SHBG: variants seen among roughly 807,000 people sequenced by gnomAD.
SHBG encodes sex hormone binding globulin.
SHBG carries 37 observed loss-of-function variants against 41.9 expected under a neutral mutation model. The observed-to-expected ratio is 0.88, with a 90% CI of 0.68 to 1.16. The LOEUF (loss-of-function observed/expected upper bound fraction) is 1.16. Among genes scored for constraint, SHBG ranks in the 50% most tolerant of loss-of-function variants. The pLI is 0.00. For missense variants in SHBG, 466 were observed against 499.9 expected (o/e 0.93, Z 0.65); for synonymous variants, 217 against 205.8 (o/e 1.05, Z -0.47).
chr17:7,630,989 C>A lies in SHBG; in HGVS notation c.393+120C>A. On this transcript the variant is annotated intron_variant, in intron 3 of 7. Coordinates refer to ENST00000380450, the MANE Select transcript of SHBG (RefSeq NM_001040.5). This position sits in a 1 kb window ranked among gnomAD's most constrained non-coding sequence, Gnocchi z 4.6. ...ATCTCGTTTAATCCACACGAACCCC[C>A]ACAAAGTAGCTATTCTTGGCCCCAT... is the stretch of plus-strand genomic sequence containing the variant. 9.9e-7 allele frequency: 1 copy of A among 1,014,926 alleles called. No homozygotes were observed. Among genetic ancestry groups the A allele is most frequent in the African/African-American group, 1.6e-5 (1 of 63,270 alleles). 62.9% of individuals were successfully genotyped at this position (1,014,926 alleles called of 1,614,324 possible).
At chr17:7,621,218 C>G (rs1184539968) in intron 1 of SHBG, among the ~76,000 whole-genome samples, 2 of 140,804 alleles carry the variant, frequency 1.4e-5, no homozygotes, top group Non-Finnish European at 3.1e-5. Context: ...AATGTATTAT[C>G]ATTTATGTGG....
intron 1 of SHBG, among the ~76,000 whole-genome samples, chr17:7,622,964 G>A (rs1186934826): frequency 6.6e-6 from 1 of 151,454 alleles, no homozygotes; most frequent in Admixed American, 6.6e-5. Context: ...ACGAACCTGA[G>A]AGGCAGAGCT....
intron 1 of SHBG, among the ~76,000 whole-genome samples, chr17:7,619,404 AATC>A (rs1329794837): frequency 6.6e-6 from 1 of 150,878 alleles, no homozygotes; most frequent in East Asian, 1.9e-4. Context: ...AAAAAAAAAA[AATC>A]ATAATAATGT....
At chr17:7,632,986 T>A in intron 7 of SHBG, 27 bp downstream of exon 7, 1 of 1,594,122 alleles carries the variant, frequency 6.3e-7, no homozygotes, top group Non-Finnish European at 8.6e-7. Flanking sequence ...TTCAAGTTCA[T>A]GAGCACAACA....
At chr17:7,614,507 T>C (rs1290165964) in intron 1 of SHBG, 3 of 1,519,510 alleles carry the variant, frequency 2.0e-6, no homozygotes, top group Non-Finnish European at 8.8e-7. Flanking sequence ...CGGCTCCACA[T>C]CCCCCCCAGA....
rs187544442 is a variant in SHBG at position 7,622,795 on chromosome 17, C to T, written c.-61-7623C>T. Among the ~76,000 whole-genome samples, 4 of 150,156 alleles carry T rather than the reference C, an allele frequency of 2.7e-5. No individual in the cohort carries two copies. The East Asian group carries it at 6.0e-4, about 22-fold the overall frequency. The stretch of plus-strand genomic sequence containing the variant: ...CTGTAATCCCAGTACTTTGGGAGGC[C>T]GAGGTGGTCAGATCATTAGGTCAGG... On this transcript the variant is annotated intron_variant, in intron 1 of 5. Transcript: ENST00000570547.
chr17:7,624,824 G>A (rs558798954), upstream of SHBG, among the ~76,000 whole-genome samples: 5 of 147,486 alleles, frequency 3.4e-5, no homozygotes, highest in African/African-American at 1.0e-4. Flanking sequence ...GGCTTTTTTT[G>A]TATTGTTTGT....
intron 1 of SHBG, chr17:7,614,893 A>ACTGCGCAGGCGCACCGGGCACCCGCCCG (rs2071937685): frequency 6.5e-6 from 1 of 153,566 alleles, no homozygotes; most frequent in Non-Finnish European, 1.5e-5. Context: ...ACCGCCGCCT[A>ACTGCGCAGGCGCACCGGGCACCCGCCCG]CTGCGCAGGC....
chr17:7,632,871 G>A lies in SHBG; in HGVS notation c.972G>A (p.Lys324=). Residue 324 remains lysine (K), a synonymous_variant, in exon 7 of 8, where the codon AAG becomes AAA. Transcript: ENST00000380450. ...TCTTGAGCCAAGGGTCGAAGATGAA[G>A]GCCCTTGCCCTGCCTCCCTTAGGCC... ...RVVLSQGSKM[K]ALALPPLGLA... is the part of the protein sequence containing the mutation. 2 of 1,614,170 alleles carry A rather than the reference G, an allele frequency of 1.2e-6. No homozygotes were observed. Among genetic ancestry groups the A allele is most frequent in the Non-Finnish European group, 1.7e-6 (2 of 1,180,030 alleles).
At chr17:7,620,780 G>A (rs1465893353) in intron 1 of SHBG, among the ~76,000 whole-genome samples, 1 of 151,606 alleles carries the variant, frequency 6.6e-6, no homozygotes, top group Non-Finnish European at 1.5e-5. Flanking sequence ...ACAGACATGT[G>A]CCACCACACC....
upstream of SHBG, among the ~76,000 whole-genome samples, chr17:7,629,518 A>G (rs2072332116): frequency 1.3e-5 from 2 of 152,178 alleles, no homozygotes; most frequent in South Asian, 4.1e-4. Context: ...CCTTCTTAAT[A>G]TTCACTGAAT....
chr17:7,631,024 T>C (rs2072391534), intron 3 of SHBG, among the ~76,000 whole-genome samples, 155 bp downstream of exon 3: 1 of 152,174 alleles, frequency 6.6e-6, no homozygotes, highest in South Asian at 2.1e-4. Context: ...TCTTTTCTGA[T>C]GGGAATTCTA....
At chr17:7,614,533 G>A (rs372206268) in intron 1 of SHBG, 12 of 1,480,582 alleles carry the variant, frequency 8.1e-6, no homozygotes, top group African/African-American at 1.5e-5. Flanking sequence ...GGCCGCCCAT[G>A]GCGCCGCCAC....
chr17:7,628,701 C>T (rs980925845), upstream of SHBG, among the ~76,000 whole-genome samples: 23 of 152,030 alleles, frequency 1.5e-4, no homozygotes, highest in African/African-American at 5.6e-4. Flanking sequence ...CCGCCTCAGC[C>T]TTCTAAAGTG....
intron 4 of SHBG, 36 bp from the exon 5 acceptor site, chr17:7,631,553 T>C: frequency 6.2e-7 from 1 of 1,613,062 alleles, no homozygotes; most frequent in Non-Finnish European, 8.5e-7. Flanking sequence ...TGCCCTGATT[T>C]CTACATCCCC....
chr17:7,624,251 A>G (rs2072150681), upstream of SHBG, among the ~76,000 whole-genome samples: 1 of 148,124 alleles, frequency 6.8e-6, no homozygotes, highest in Non-Finnish European at 1.5e-5. Flanking sequence ...ACGCCTGGCC[A>G]TTTTCTTTTT....
At position 7,631,657 on chromosome 17, in the gene SHBG, A is replaced by T; in HGVS notation, c.624A>T (p.Ala208=). 6.2e-7 allele frequency: 1 copy of T among 1,614,134 alleles called. No homozygotes were observed. The highest frequency in any genetic ancestry group is 1.6e-4 in the Middle Eastern group (1 of 6,062). Residue 208 remains alanine, a synonymous_variant, in exon 5 of 8, where the codon GCA becomes GCT. Transcript: ENST00000380450. ...SWLDKQAEIS[A]SAPTSLRSCD... is the part of the protein sequence containing the mutation. Reference sequence around the variant, plus strand: ...TGGACAAACAGGCCGAGATCTCAGCATCTGCCCCCACTAGCCTCAGAAGCT... The same window carrying T: ...TGGACAAACAGGCCGAGATCTCAGCTTCTGCCCCCACTAGCCTCAGAAGCT...
chr17:7,620,759 T>G (rs2072077873), intron 1 of SHBG, among the ~76,000 whole-genome samples: 1 of 151,840 alleles, frequency 6.6e-6, no homozygotes, highest in Admixed American at 6.6e-5. Context: ...GTTTCCCAAA[T>G]AGCTTGGATT....
At chr17:7,614,633 G>A (rs2071928054) in intron 1 of SHBG, 5 of 640,582 alleles carry the variant, frequency 7.8e-6, no homozygotes, top group Non-Finnish European at 1.1e-5. Context: ...AGGAGCCGGA[G>A]GGGGAGCCGC....
Sources: gnomAD v4.1 joint callset for allele counts (sites outside exome capture counted in the v4.1 genomes callset) on GRCh38, gnomAD v4.1.1 for gene constraint, Gnocchi (gnomAD v3.1) non-coding constraint, MANE v1.5 for transcripts, NCBI Gene and HGNC (gene_info 2026-07-23, HGNC 2026-07-21) for gene names.